The following LSM14A variants were observed in gnomAD, a reference collection of about 807,000 sequenced individuals.
LSM14A encodes protein LSM14 homolog A.
A neutral mutation model predicts 52.4 loss-of-function variants in LSM14A; 14 were observed. The observed-to-expected ratio is 0.27, with a 90% CI of 0.18 to 0.42. LSM14A has a LOEUF of 0.42. Ranked by LOEUF, LSM14A falls within the 10% of genes least tolerant of loss-of-function variation. The pLI, the probability that LSM14A is intolerant of heterozygous loss-of-function variation, is 1.00. For synonymous variants in LSM14A, 185 were observed against 200.3 expected (o/e 0.92, Z 0.64); for missense variants, 417 against 581.8 (o/e 0.72, Z 2.91).
At position 34,184,861 on chromosome 19, in the gene LSM14A, A is replaced by G. The variant is rs189093705; in HGVS notation, c.122-9617A>G. Among the ~76,000 whole-genome samples the G allele has an allele frequency of 3.7e-3, 558 of 152,312 alleles. 5 individuals are homozygous for G. Among genetic ancestry groups the G allele is most frequent in the African/African-American group, 0.013 (537 of 41,550 alleles). ...TTTGTTTTTGTTTTTCGTCAGAGAC[A>G]AGGTTCTTGAGGACACAACATTTAA... On this transcript the variant is annotated intron_variant, in intron 1 of 9. Transcript: ENST00000544216.
In LSM14A at chr19:34,217,617, GTGTTTT is replaced by G. The variant is rs2072736621; in HGVS notation, c.782-1772_782-1767del. ...ATATATTTTTATATCCCCCCCCCCC[GTGTTTT>G]TTTTTTTTTTTTTTTTTTTTTTGAG... is the stretch of plus-strand genomic sequence containing the variant. On this transcript the variant is annotated intron_variant, in intron 6 of 9. Transcript: ENST00000544216. Among the ~76,000 whole-genome samples the G allele has an allele frequency of 2.7e-4, 10 of 36,696 alleles. 3 individuals are homozygous for G. Among genetic ancestry groups the G allele is most frequent in the African/African-American group, 1.0e-3 (10 of 9,650 alleles). 24.1% of individuals were successfully genotyped at this position (36,696 alleles called of 152,430 possible).
Position 34,219,714 on chromosome 19 carries a change from C to T in LSM14A, c.973C>T (p.Leu325Phe). The T allele has an allele frequency of 6.2e-7, 1 of 1,605,490 alleles. No individual in the cohort carries two copies. Among genetic ancestry groups the T allele is most frequent in the Non-Finnish European group, 8.5e-7 (1 of 1,177,794 alleles). Residue 325 changes from leucine to phenylalanine, a missense_variant, in exon 8 of 10, where the codon CTT becomes TTT. This residue lies in a region of LSM14A where 357 missense variants were observed against 457.0 expected (regional missense o/e 0.78). Transcript: ENST00000544216. ...TGTGCTTTTGTTCTTAGAAGATAAA[C>T]TTGAGAAACAGGAGAAGCCTGTAAA... ...HNKLKLKEDK[L>F]EKQEKPVNGE...
At chr19:34,182,154 A>G (rs2069527860) in intron 1 of LSM14A, among the ~76,000 whole-genome samples, 2 of 151,990 alleles carry the variant, frequency 1.3e-5, no homozygotes, top group Admixed American at 1.3e-4. Flanking sequence ...TCCAATATTG[A>G]CCTCTCAGTT....
chr19:34,184,551 A>T (rs2069744549), intron 1 of LSM14A, among the ~76,000 whole-genome samples: 2 of 152,202 alleles, frequency 1.3e-5, no homozygotes, highest in African/African-American at 4.8e-5. Context: ...CCCTGAAGTT[A>T]TAAGCAATTT....
intron 4 of LSM14A, among the ~76,000 whole-genome samples, chr19:34,213,597 AT>A (rs1367508568): frequency 6.6e-6 from 1 of 152,188 alleles, no homozygotes; most frequent in African/African-American, 2.4e-5. Context: ...TAAGCAAAAC[AT>A]TATATTTTGG....
intron 1 of LSM14A, among the ~76,000 whole-genome samples, chr19:34,182,855 AAG>A (rs2069592558): frequency 6.6e-6 from 1 of 150,650 alleles, no homozygotes; most frequent in South Asian, 2.1e-4. Flanking sequence ...AAAAAAAAAA[AAG>A]AGTCAACTCT....
chr19:34,182,466 T>TTTG (rs2069551101), intron 1 of LSM14A, among the ~76,000 whole-genome samples: 1 of 151,954 alleles, frequency 6.6e-6, no homozygotes, highest in Non-Finnish European at 1.5e-5. Context: ...ATCACACTGG[T>TTTG]TTGTTGTTGT....
intron 3 of LSM14A, 133 bp from the exon 4 acceptor site, chr19:34,208,796 A>G: frequency 1.5e-6 from 1 of 655,976 alleles, no homozygotes; most frequent in Non-Finnish European, 2.5e-6. Flanking sequence ...AATTTCCAAG[A>G]TTATTAATTT....
intron 3 of LSM14A, among the ~76,000 whole-genome samples, chr19:34,204,941 G>A (rs1025553228): frequency 2.6e-5 from 4 of 152,072 alleles, no homozygotes; most frequent in African/African-American, 9.7e-5. Context: ...AGACCAGCCT[G>A]GTCAATGTGA....
At chr19:34,211,910 T>C (rs1210369215) in intron 4 of LSM14A, among the ~76,000 whole-genome samples, 1 of 152,156 alleles carries the variant, frequency 6.6e-6, no homozygotes, top group Non-Finnish European at 1.5e-5. Context: ...AGTTTATCTT[T>C]AAAATAAACA....
In LSM14A at chr19:34,219,473, G is replaced by T. The variant is rs752437224; in HGVS notation, c.864G>T (p.Gly288=). The T allele has an allele frequency of 6.2e-7, 1 of 1,614,008 alleles. No homozygotes were observed. Among genetic ancestry groups the T allele is most frequent in the Non-Finnish European group, 8.5e-7 (1 of 1,179,962 alleles). The change falls in exon 7 of 10, where the codon GGG becomes GGT. Residue 288 remains glycine, a synonymous_variant. Transcript: ENST00000544216. ...GRGRFGIRRD[G]PMKFEKDFDF... ...GAAGATTTGGTATTCGGCGAGATGG[G>T]CCAATGAAATTTGAGAAAGACTTTG... is the stretch of plus-strand genomic sequence containing the variant.
intron 3 of LSM14A, 132 bp downstream of exon 3, chr19:34,196,895 C>G (rs936558535): frequency 1.3e-6 from 1 of 758,832 alleles, no homozygotes; most frequent in Non-Finnish European, 2.0e-6. Flanking sequence ...TTATGGTATT[C>G]AGAACACATT....
intron 3 of LSM14A, among the ~76,000 whole-genome samples, chr19:34,206,498 C>A (rs960696972): frequency 6.7e-6 from 1 of 150,360 alleles, no homozygotes; most frequent in African/African-American, 2.4e-5. Context: ...GAAACCCTGT[C>A]TCTACTAAAA....
Position 34,224,188 on chromosome 19 carries a change from C to T in LSM14A, c.1368+2450C>T, listed in dbSNP as rs528497777. ...TACCAAAAACATAAAAAAAATTAGC[C>T]GGGCGTGGTGGCACACACCTGTAAT... is the stretch of plus-strand genomic sequence containing the variant. On this transcript the variant is annotated intron_variant, in intron 9 of 9. Transcript: ENST00000544216. Among the ~76,000 whole-genome samples the T allele has an allele frequency of 3.8e-4, 58 of 151,984 alleles. No individual in the cohort carries two copies. The South Asian group carries it at 4.0e-3, about 10-fold the overall frequency.
chr19:34,192,043 C>A (rs1182252253), intron 1 of LSM14A, among the ~76,000 whole-genome samples: 1 of 152,034 alleles, frequency 6.6e-6, no homozygotes, highest in Non-Finnish European at 1.5e-5. Context: ...AGGATACTTA[C>A]GTATGGATTC....
At chr19:34,220,407 G>A (rs999354304) in intron 8 of LSM14A, among the ~76,000 whole-genome samples, 15 of 152,314 alleles carry the variant, frequency 9.8e-5, no homozygotes, top group African/African-American at 3.6e-4. Context: ...TTTAGGTAAT[G>A]TCTAAGTAGG....
chr19:34,226,381 T>C (rs1006786569), intron 9 of LSM14A: 4 of 1,375,352 alleles, frequency 2.9e-6, no homozygotes, highest in Admixed American at 5.4e-5. Flanking sequence ...TTCTCTTTTT[T>C]TTTTTTTTTT....
intron 1 of LSM14A, among the ~76,000 whole-genome samples, chr19:34,181,295 ACTGTAC>A (rs1160390532): frequency 1.3e-5 from 2 of 152,132 alleles, no homozygotes; most frequent in African/African-American, 4.8e-5. Flanking sequence ...AAAAAACCCC[ACTGTAC>A]TTGAACTGAA....
intron 4 of LSM14A, among the ~76,000 whole-genome samples, chr19:34,212,013 G>T (rs533550313): frequency 3.3e-5 from 5 of 152,188 alleles, no homozygotes; most frequent in Non-Finnish European, 7.4e-5. Flanking sequence ...AGAAAGAGAT[G>T]AATAGAAAGC....
Sources: allele counts gnomAD v4.1 joint callset (sites outside exome capture counted in the v4.1 genomes callset), GRCh38; gene constraint gnomAD v4.1.1; regional missense constraint gnomAD v4.1.1; transcripts MANE v1.5; gene names NCBI Gene and HGNC (gene_info 2026-07-23, HGNC 2026-07-21).